Variants in WDR70 observed in about 807,000 individuals in gnomAD.
The protein encoded by WDR70 is WD repeat-containing protein 70.
WDR70 carries 53 observed loss-of-function variants against 88.6 expected under a neutral mutation model. The observed-to-expected ratio is 0.60, with a 90% CI of 0.48 to 0.75. The LOEUF (loss-of-function observed/expected upper bound fraction) is 0.75. WDR70 is among the 30% of genes least tolerant of loss of function. The pLI is 0.00. For missense variants in WDR70, 610 were observed against 823.2 expected (o/e 0.74, Z 3.17); for synonymous variants, 280 against 270.0 (o/e 1.04, Z -0.36).
At chr5:37,506,900 C>T in intron 8 of WDR70, 1 of 976,428 alleles carries the variant, frequency 1.0e-6, no homozygotes, top group East Asian at 2.4e-5. Context: ...ACCACCCTCC[C>T]ACTTGGTCCT....
intron 9 of WDR70, among the ~76,000 whole-genome samples, chr5:37,557,900 T>TATACTCTTTTGAATACTCTTCAAAAGA (rs1468904741): frequency 0.032 from 4 of 126 alleles, 2 homozygotes; most frequent in Non-Finnish European, 0.077. Context: ...TCTTCAGATT[T>TATACTCTTTTGAATACTCTTCAAAAGA]ATACTCTTTT....
Position 37,528,265 on chromosome 5 carries a change from G to A in WDR70, c.917+11675G>A, listed in dbSNP as rs528153021. ...CAATGATAGACTGGATTAAGAAAAT[G>A]TGGCACATATACACCATGGAATACT... is the stretch of plus-strand genomic sequence containing the variant. On this transcript the variant is annotated intron_variant, in intron 9 of 17. Transcript: ENST00000265107. Among the ~76,000 whole-genome samples, 57 of 152,278 alleles carry A rather than the reference G, an allele frequency of 3.7e-4. 1 individual carries two copies. Among genetic ancestry groups the A allele is most frequent in the South Asian group, 2.1e-3 (10 of 4,822 alleles).
At chr5:37,586,106 C>G (rs1743356746) in intron 9 of WDR70, among the ~76,000 whole-genome samples, 1 of 152,166 alleles carries the variant, frequency 6.6e-6, no homozygotes. Context: ...GGAGCCAAAT[C>G]GAGTGTTACC....
At chr5:37,444,733 CTTT>C (rs1738405200) in intron 7 of WDR70, among the ~76,000 whole-genome samples, 1 of 152,146 alleles carries the variant, frequency 6.6e-6, no homozygotes, top group Admixed American at 6.6e-5. Flanking sequence ...GGTCCCCAAT[CTTT>C]TTTGCACCAG....
At chr5:37,487,002 G>T (rs928419790) in intron 8 of WDR70, among the ~76,000 whole-genome samples, 2 of 152,076 alleles carry the variant, frequency 1.3e-5, no homozygotes, top group African/African-American at 4.8e-5. Context: ...GTCTCTTTTG[G>T]TATTCTCAGG....
intron 10 of WDR70, among the ~76,000 whole-genome samples, chr5:37,637,731 G>A (rs1745011108): frequency 6.6e-6 from 1 of 152,176 alleles, no homozygotes; most frequent in Non-Finnish European, 1.5e-5. Flanking sequence ...GGATTGTAGA[G>A]CACATAATTC....
intron 10 of WDR70, among the ~76,000 whole-genome samples, chr5:37,613,519 T>C (rs1744245894): frequency 6.6e-6 from 1 of 152,164 alleles, no homozygotes; most frequent in African/African-American, 2.4e-5. Context: ...CCTCCTCTGC[T>C]CTATGCAGCC....
At chr5:37,402,328 T>TGTG (rs60585321) in intron 5 of WDR70, among the ~76,000 whole-genome samples, 3 of 149,014 alleles carry the variant, frequency 2.0e-5, no homozygotes, top group Non-Finnish European at 3.0e-5. Flanking sequence ...TGTGTGTGTG[T>TGTG]TTTAAATTTT....
At chr5:37,522,547 G>A (rs895895085) in intron 9 of WDR70, among the ~76,000 whole-genome samples, 1 of 151,370 alleles carries the variant, frequency 6.6e-6, no homozygotes, top group Non-Finnish European at 1.5e-5. Context: ...ACAGCTCCCA[G>A]TGTGAGTGAC....
At chr5:37,619,740 GTT>G (rs576794251) in intron 10 of WDR70, among the ~76,000 whole-genome samples, 1 of 146,376 alleles carries the variant, frequency 6.8e-6, no homozygotes, top group African/African-American at 2.5e-5. Flanking sequence ...TCCCTGTTTG[GTT>G]TTTTTTTTGT....
chr5:37,557,232 GAA>G (rs11372077), intron 9 of WDR70, among the ~76,000 whole-genome samples: 2 of 123,850 alleles, frequency 1.6e-5, no homozygotes. Context: ...TTAAAAAAAT[GAA>G]AAAAAAAAAA....
chr5:37,468,517 G>T (rs1480551129), intron 7 of WDR70, among the ~76,000 whole-genome samples: 3 of 151,758 alleles, frequency 2.0e-5, no homozygotes, highest in East Asian at 1.9e-4. Context: ...TATATATGGG[G>T]TACAATGTGA....
At chr5:37,385,033 A>G (rs1005916324) in intron 3 of WDR70, among the ~76,000 whole-genome samples, 1 of 152,174 alleles carries the variant, frequency 6.6e-6, no homozygotes, top group Non-Finnish European at 1.5e-5. Context: ...TCACAGGGAA[A>G]CACTTTACTT....
intron 9 of WDR70, among the ~76,000 whole-genome samples, chr5:37,546,747 C>G (rs1226112098): frequency 6.6e-6 from 1 of 151,896 alleles, no homozygotes; most frequent in Non-Finnish European, 1.5e-5. Flanking sequence ...AGTGAAACCC[C>G]GTCTCTACTA....
intron 5 of WDR70, among the ~76,000 whole-genome samples, chr5:37,421,274 ACATTTGCCTCATG>A (rs1749938173): frequency 6.6e-6 from 1 of 152,162 alleles, no homozygotes; most frequent in Non-Finnish European, 1.5e-5. Flanking sequence ...AATCTCTCCT[ACATTTGCCTCATG>A]CCCTATCTGT....
intron 10 of WDR70, among the ~76,000 whole-genome samples, chr5:37,648,062 C>CA (rs1483211840): frequency 6.6e-6 from 1 of 152,118 alleles, no homozygotes; most frequent in Non-Finnish European, 1.5e-5. Flanking sequence ...GACACAGAGC[C>CA]AAGCCATATT....
intron 9 of WDR70, among the ~76,000 whole-genome samples, chr5:37,569,421 GTGTT>G (rs936659504): frequency 2.6e-5 from 4 of 152,118 alleles, no homozygotes; most frequent in Non-Finnish European, 2.9e-5. Flanking sequence ...CTACCCTCAA[GTGTT>G]TGTTGAATTA....
intron 9 of WDR70, among the ~76,000 whole-genome samples, chr5:37,582,698 G>T (rs56044522): frequency 0.41 from 62,253 of 152,140 alleles, 14,879 homozygotes; most frequent in Non-Finnish European, 0.54. Flanking sequence ...ACATAGTGCT[G>T]ATATAATACA....
At chr5:37,607,279 A>G (rs566312135) in intron 10 of WDR70, among the ~76,000 whole-genome samples, 1 of 152,142 alleles carries the variant, frequency 6.6e-6, no homozygotes, top group East Asian at 1.9e-4. Flanking sequence ...TTTTTCAGCA[A>G]GAAAAATAAC....
Sources: gnomAD v4.1 joint callset for allele counts (sites outside exome capture counted in the v4.1 genomes callset) on GRCh38, gnomAD v4.1.1 for gene constraint, MANE v1.5 for transcripts, NCBI Gene and HGNC (gene_info 2026-07-23, HGNC 2026-07-21) for gene names.